The following TNFAIP8 variants were observed in gnomAD, a reference collection of about 807,000 sequenced individuals.
TNFAIP8 encodes TNF alpha induced protein 8.
Under a neutral mutation model 13.3 loss-of-function variants are expected in TNFAIP8, and 7 were observed. The observed-to-expected ratio is 0.52, with a 90% CI of 0.30 to 0.99. The LOEUF (loss-of-function observed/expected upper bound fraction) is 0.99. TNFAIP8 is among the 50% of genes least tolerant of loss of function. The pLI is 0.07. For synonymous variants in TNFAIP8, 94 were observed against 87.6 expected (o/e 1.07, Z -0.41); for missense variants, 258 against 236.9 (o/e 1.09, Z -0.58).
At chr5:119,300,485 T>C (rs1010052399) in intron 1 of TNFAIP8, among the ~76,000 whole-genome samples, 1 of 152,242 alleles carries the variant, frequency 6.6e-6, no homozygotes, top group Non-Finnish European at 1.5e-5. Flanking sequence ...TTTTTTTGCA[T>C]GTCCTTGCAA....
At chr5:119,379,690 G>C (rs979404123) in intron 1 of TNFAIP8, among the ~76,000 whole-genome samples, 3 of 152,106 alleles carry the variant, frequency 2.0e-5, no homozygotes, top group African/African-American at 7.2e-5. Context: ...TCCCAGGCTT[G>C]AGCAATCCTC....
chr5:119,268,898 A>T, exon 1 of TNFAIP8: 1 of 699,070 alleles, frequency 1.4e-6, no homozygotes, highest in Non-Finnish European at 2.6e-6. Flanking sequence ...CCGTCGCGCC[A>T]CTCCTCCGAG....
intron 1 of TNFAIP8, among the ~76,000 whole-genome samples, chr5:119,327,735 A>G (rs1023285717): frequency 6.6e-6 from 1 of 152,140 alleles, no homozygotes; most frequent in Non-Finnish European, 1.5e-5. Context: ...CTGGGATTAC[A>G]CGTGTGAGCC....
intron 1 of TNFAIP8, among the ~76,000 whole-genome samples, chr5:119,289,355 T>C (rs1254460079): frequency 6.6e-6 from 1 of 152,174 alleles, no homozygotes; most frequent in African/African-American, 2.4e-5. Flanking sequence ...TCGGTCTTAC[T>C]AGTCACCCAG....
At chr5:119,291,563 A>C (rs1748985770) in intron 1 of TNFAIP8, among the ~76,000 whole-genome samples, 1 of 152,270 alleles carries the variant, frequency 6.6e-6, no homozygotes, top group Admixed American at 6.5e-5. Context: ...ATTTTGCGTA[A>C]GTTAAACTAA....
At chr5:119,278,507 C>G (rs2150802688) in intron 1 of TNFAIP8, among the ~76,000 whole-genome samples, 1 of 151,966 alleles carries the variant, frequency 6.6e-6, no homozygotes, top group East Asian at 1.9e-4. Context: ...TTCCTGGAGC[C>G]TCTTTAAGCC....
chr5:119,283,984 AGCCCATGTATGT>A (rs1348609186), intron 1 of TNFAIP8, among the ~76,000 whole-genome samples: 14 of 152,236 alleles, frequency 9.2e-5, no homozygotes, highest in African/African-American at 3.1e-4. Flanking sequence ...GCCTCTGGTT[AGCCCATGTATGT>A]GCCAAGTGTG....
intron 1 of TNFAIP8, among the ~76,000 whole-genome samples, chr5:119,385,538 C>G (rs551794014): frequency 6.6e-6 from 1 of 152,256 alleles, no homozygotes; most frequent in African/African-American, 2.4e-5. Context: ...CAGAATACCC[C>G]TATTTTAACT....
At chr5:119,382,086 A>G (rs998374404) in intron 1 of TNFAIP8, among the ~76,000 whole-genome samples, 1 of 152,214 alleles carries the variant, frequency 6.6e-6, no homozygotes, top group African/African-American at 2.4e-5. Flanking sequence ...AAAATTTTTT[A>G]ATTCCTAATT....
intron 1 of TNFAIP8, among the ~76,000 whole-genome samples, chr5:119,368,407 TTTCA>T (rs1282056606): frequency 9.3e-5 from 14 of 150,610 alleles, no homozygotes; most frequent in Middle Eastern, 3.4e-3. Context: ...CTCTTCTTTC[TTTCA>T]CTTACCTATT....
chr5:119,333,260 C>T, intron 1 of TNFAIP8: 1 of 1,061,468 alleles, frequency 9.4e-7, no homozygotes, highest in Non-Finnish European at 1.1e-6. Flanking sequence ...GTGCAGGCAG[C>T]AACCAGTCCA....
At chr5:119,363,796 C>A (rs1751724293) in intron 1 of TNFAIP8, among the ~76,000 whole-genome samples, 1 of 152,150 alleles carries the variant, frequency 6.6e-6, no homozygotes, top group African/African-American at 2.4e-5. Context: ...GGGCTCAGTC[C>A]CACAAGACTG....
intron 1 of TNFAIP8, among the ~76,000 whole-genome samples, chr5:119,350,942 C>G (rs1323335606): frequency 7.3e-6 from 1 of 136,306 alleles, no homozygotes; most frequent in Non-Finnish European, 1.5e-5. Context: ...TTTTTTAACT[C>G]TATGTGTATT....
At chr5:119,375,971 A>G (rs992053118) in intron 1 of TNFAIP8, among the ~76,000 whole-genome samples, 2 of 152,202 alleles carry the variant, frequency 1.3e-5, no homozygotes, top group African/African-American at 2.4e-5. Flanking sequence ...TGGGTTATTC[A>G]GTAGTTTTTG....
intron 1 of TNFAIP8, among the ~76,000 whole-genome samples, chr5:119,320,237 G>T (rs1750015194): frequency 6.6e-6 from 1 of 152,152 alleles, no homozygotes; most frequent in African/African-American, 2.4e-5. Context: ...GGCAGTTGGG[G>T]AATTTCAGAT....
intron 1 of TNFAIP8, among the ~76,000 whole-genome samples, chr5:119,314,155 G>A (rs1305337691): frequency 2.0e-5 from 3 of 147,478 alleles, no homozygotes; most frequent in Non-Finnish European, 4.5e-5. Flanking sequence ...GCAATATAGC[G>A]AGATGCTGTC....
intron 1 of TNFAIP8, among the ~76,000 whole-genome samples, chr5:119,334,629 G>A (rs1369278545): frequency 8.0e-6 from 1 of 125,720 alleles, no homozygotes; most frequent in Admixed American, 7.4e-5. Flanking sequence ...CCTTTCGTGT[G>A]TGTGTGTGTG....
At chr5:119,360,080 C>T (rs1235382278) in intron 1 of TNFAIP8, among the ~76,000 whole-genome samples, 3 of 152,142 alleles carry the variant, frequency 2.0e-5, no homozygotes, top group Admixed American at 1.3e-4. Flanking sequence ...GCTTTTTTCC[C>T]CTCACTTCTG....
intron 1 of TNFAIP8, among the ~76,000 whole-genome samples, chr5:119,330,159 G>A (rs567414169): frequency 5.2e-4 from 79 of 152,266 alleles, no homozygotes; most frequent in Non-Finnish European, 1.1e-3. Flanking sequence ...AGGGTACAGA[G>A]AGGACTGATG....
Sources: allele counts gnomAD v4.1 joint callset (sites outside exome capture counted in the v4.1 genomes callset), GRCh38; gene constraint gnomAD v4.1.1; transcripts MANE v1.5; gene names NCBI Gene and HGNC (gene_info 2026-07-23, HGNC 2026-07-21).